ODAD2: variants seen among roughly 807,000 people sequenced by gnomAD.
The protein encoded by ODAD2 is outer dynein arm-docking complex subunit 2.
ODAD2 carries 89 observed loss-of-function variants against 106.8 expected under a neutral mutation model. The observed-to-expected ratio is 0.83, with a 90% CI of 0.70 to 0.99. The LOEUF is 0.99. Among genes scored for constraint, ODAD2 ranks in the 50% least tolerant of loss-of-function variants. ODAD2 has a pLI of 0.00. For missense variants in ODAD2, 1,168 were observed against 1,238.5 expected (o/e 0.94, Z 0.85); for synonymous variants, 404 against 436.2 (o/e 0.93, Z 0.92).
chr10:27,841,271 T>G lies in ODAD2; in HGVS notation c.3021+19354A>C, dbSNP rs965671345. ...AGAAAAAAGGTTTGTGAATGGATTC[T>G]TAATTCTTCCTGTTCCCTTAATCTC... On this transcript the variant is annotated intron_variant, in intron 19 of 19. Transcript: ENST00000305242. 8.5e-5 allele frequency among the ~76,000 whole-genome samples: 13 copies of G among 152,342 alleles called. No individual in the cohort carries two copies. In the East Asian group the frequency reaches 2.5e-3, roughly 29 times the overall value.
intron 2 of ODAD2, among the ~76,000 whole-genome samples, chr10:27,994,049 G>A (rs914133695): frequency 6.6e-6 from 1 of 150,402 alleles, no homozygotes; most frequent in African/African-American, 2.4e-5. Flanking sequence ...AATGCTTAAT[G>A]AACTAATACA....
chr10:27,966,775 T>C (rs1848513467), intron 9 of ODAD2, among the ~76,000 whole-genome samples: 1 of 152,182 alleles, frequency 6.6e-6, no homozygotes, highest in African/African-American at 2.4e-5. Context: ...TCACTAAAAA[T>C]TGAAATACTT....
intron 1 of ODAD2, among the ~76,000 whole-genome samples, chr10:27,997,058 C>G (rs4601670): frequency 0.029 from 4,400 of 152,226 alleles, 120 homozygotes; most frequent in East Asian, 0.1. Context: ...GCTATAAAAA[C>G]CAAGTACTGG....
At position 27,939,891 on chromosome 10, in the gene ODAD2, C is replaced by T. The variant is rs1846262792; in HGVS notation, c.2097+6G>A. The T allele has an allele frequency of 1.9e-6, 3 of 1,577,654 alleles. No homozygotes were observed. Among genetic ancestry groups the T allele is most frequent in the African/African-American group, 1.4e-5 (1 of 73,458 alleles). ...CGCCAACAACCGCTGGGAGAGTTCACTGCACCTGGTAAATGGCCATGGCGC... is the reference window on the plus strand; with the variant it reads ...CGCCAACAACCGCTGGGAGAGTTCATTGCACCTGGTAAATGGCCATGGCGC... On this transcript the variant is annotated splice_donor_region_variant and intron_variant, in intron 14 of 19. Transcript: ENST00000305242.
chr10:27,854,248 A>C (rs959695174), intron 19 of ODAD2, among the ~76,000 whole-genome samples: 6 of 152,308 alleles, frequency 3.9e-5, no homozygotes, highest in Non-Finnish European at 7.3e-5. Context: ...ATGCTTTCCT[A>C]TACAGCTGGT....
rs542507049 is a variant in ODAD2, at chr10:27,974,524, G to T, written c.937-3211C>A. Among the ~76,000 whole-genome samples, 6 of 152,248 alleles carry T rather than the reference G, an allele frequency of 3.9e-5. No homozygotes were observed. The South Asian group carries it at 1.2e-3, about 32-fold the overall frequency. On this transcript the variant is annotated intron_variant, in intron 7 of 19. Coordinates refer to ENST00000305242, the MANE Select transcript of ODAD2 (RefSeq NM_018076.5). ...GCTTGTTTTTGTCAGCTTTGCTGTA[G>T]ATCAGATGGTTGTAGGTGTGCAGCC...
At chr10:27,962,801 T>C (rs1455716921) in intron 9 of ODAD2, among the ~76,000 whole-genome samples, 1 of 152,124 alleles carries the variant, frequency 6.6e-6, no homozygotes, top group East Asian at 1.9e-4. Context: ...TTACTGCCAT[T>C]GGGTCACCAA....
chr10:27,862,920 A>G (rs1456181564), intron 17 of ODAD2, among the ~76,000 whole-genome samples: 4 of 152,228 alleles, frequency 2.6e-5, no homozygotes, highest in Non-Finnish European at 4.4e-5. Context: ...CAAAGTTATT[A>G]AAGTACAGTT....
intron 17 of ODAD2, among the ~76,000 whole-genome samples, chr10:27,878,395 C>T (rs771454081): frequency 3.9e-5 from 6 of 152,108 alleles, no homozygotes; most frequent in South Asian, 2.1e-4. Context: ...GGTGTTTTGG[C>T]GTAAAGCAAT....
At chr10:27,838,990 CT>C in intron 19 of ODAD2, among the ~76,000 whole-genome samples, 1 of 152,314 alleles carries the variant, frequency 6.6e-6, no homozygotes. Flanking sequence ...CAATCTAACG[CT>C]TTTGATATCC....
rs577798924 is a variant in ODAD2 at position 27,895,136 on chromosome 10, A to G, written c.2610+12527T>C. Among the ~76,000 whole-genome samples the G allele has an allele frequency of 2.3e-4, 35 of 152,056 alleles. 1 individual carries two copies. The South Asian group carries it at 3.1e-3, about 14-fold the overall frequency. ...TAATTTGCTTTTCTTTAGTTTCTAA[A>G]ACTTATATAATGAACATGTAAGCAC... On this transcript the variant is annotated intron_variant, in intron 17 of 19. Coordinates refer to ENST00000305242, the MANE Select transcript of ODAD2 (RefSeq NM_018076.5).
At chr10:27,952,130 A>C (rs1847385486) in intron 10 of ODAD2, among the ~76,000 whole-genome samples, 1 of 151,424 alleles carries the variant, frequency 6.6e-6, no homozygotes, top group African/African-American at 2.4e-5. Flanking sequence ...CAATTAGTAT[A>C]ACAGCTAAAG....
intron 6 of ODAD2, among the ~76,000 whole-genome samples, chr10:27,983,163 C>T (rs563502808): frequency 4.7e-4 from 72 of 152,286 alleles, no homozygotes; most frequent in Middle Eastern, 3.4e-3. Flanking sequence ...TGATTTTTCA[C>T]GGTCCCAGAA....
At chr10:27,817,106 A>G (rs1267202517) in intron 19 of ODAD2, among the ~76,000 whole-genome samples, 1 of 152,160 alleles carries the variant, frequency 6.6e-6, no homozygotes, top group African/African-American at 2.4e-5. Context: ...ACACACTTTT[A>G]TATTCTCATT....
intron 19 of ODAD2, among the ~76,000 whole-genome samples, chr10:27,845,238 C>T (rs561784604): frequency 3.1e-4 from 47 of 152,322 alleles, no homozygotes; most frequent in African/African-American, 1.1e-3. Flanking sequence ...AGAAACTATA[C>T]AAGCCAGAAG....
intron 7 of ODAD2, among the ~76,000 whole-genome samples, chr10:27,975,138 G>A (rs1192795837): frequency 2.6e-5 from 4 of 152,148 alleles, no homozygotes; most frequent in African/African-American, 7.2e-5. Flanking sequence ...AGCTAAAGCA[G>A]CTTTTGGGCT....
intron 17 of ODAD2, among the ~76,000 whole-genome samples, chr10:27,877,377 C>T (rs1001540246): frequency 1.3e-5 from 2 of 152,090 alleles, no homozygotes; most frequent in African/African-American, 4.8e-5. Context: ...ATACCAGGAG[C>T]CAAAGTCCCC....
intron 2 of ODAD2, among the ~76,000 whole-genome samples, chr10:27,988,274 T>C (rs1303232313): frequency 6.6e-6 from 1 of 151,996 alleles, no homozygotes; most frequent in Non-Finnish European, 1.5e-5. Context: ...CTAAACTGTC[T>C]AGGTTTTGTA....
chr10:27,846,871 C>A (rs1286834502), intron 19 of ODAD2, among the ~76,000 whole-genome samples: 1 of 151,724 alleles, frequency 6.6e-6, no homozygotes, highest in Non-Finnish European at 1.5e-5. Flanking sequence ...AAGACTAAAC[C>A]AGGAAGAAGT....
Sources: gnomAD v4.1 joint callset for allele counts (sites outside exome capture counted in the v4.1 genomes callset) on GRCh38, gnomAD v4.1.1 for gene constraint, MANE v1.5 for transcripts, NCBI Gene and HGNC (gene_info 2026-07-23, HGNC 2026-07-21) for gene names.